The following MGAT4C variants were observed in gnomAD, a reference collection of about 807,000 sequenced individuals.
MGAT4C encodes MGAT4 family member C.
MGAT4C carries 19 observed loss-of-function variants against 40.1 expected under a neutral mutation model. That is an observed-to-expected ratio of 0.47 (90% CI 0.33 to 0.70). The LOEUF (loss-of-function observed/expected upper bound fraction) is 0.70. Among genes scored for constraint, MGAT4C ranks in the 30% least tolerant of loss-of-function variants. MGAT4C has a pLI of 0.02. For missense variants in MGAT4C, 491 were observed against 563.2 expected (o/e 0.87, Z 1.30); for synonymous variants, 181 against 187.1 (o/e 0.97, Z 0.27).
chr12:86,814,634 A>G (rs1342939222), intron 1 of MGAT4C, among the ~76,000 whole-genome samples: 1 of 151,922 alleles, frequency 6.6e-6, no homozygotes, highest in Non-Finnish European at 1.5e-5. Context: ...GAATGTTTGT[A>G]TTACCCCGAA....
chr12:86,525,490 G>A (rs1011593273), intron 2 of MGAT4C, among the ~76,000 whole-genome samples: 26 of 152,202 alleles, frequency 1.7e-4, no homozygotes, highest in Non-Finnish European at 3.2e-4. Flanking sequence ...AGGTAGTGTG[G>A]TTGTTTGGAG....
At chr12:86,768,455 C>T (rs1275149230) in intron 1 of MGAT4C, among the ~76,000 whole-genome samples, 97 of 151,988 alleles carry the variant, frequency 6.4e-4, no homozygotes, top group East Asian at 1.9e-4. Context: ...AGGTAATTTA[C>T]AGATTCAATG....
At chr12:86,109,895 T>A (rs1365782188) in intron 1 of MGAT4C, among the ~76,000 whole-genome samples, 2 of 151,130 alleles carry the variant, frequency 1.3e-5, no homozygotes, top group African/African-American at 4.9e-5. Flanking sequence ...ACCTCTGGAG[T>A]GGATATAACA....
At chr12:86,212,905 A>AAC in intron 1 of MGAT4C, among the ~76,000 whole-genome samples, 4 of 146,242 alleles carry the variant, frequency 2.7e-5, no homozygotes, top group Non-Finnish European at 6.0e-5. Flanking sequence ...AAAAAAAAAA[A>AAC]AAAAAAAAAA....
At chr12:86,378,874 T>C (rs1004862937) in intron 3 of MGAT4C, among the ~76,000 whole-genome samples, 1 of 152,076 alleles carries the variant, frequency 6.6e-6, no homozygotes, top group Non-Finnish European at 1.5e-5. Context: ...CTAGAGAAGT[T>C]TACAAAAGTT....
chr12:86,071,908 G>A (rs1017143036), intron 1 of MGAT4C, among the ~76,000 whole-genome samples: 9 of 151,930 alleles, frequency 5.9e-5, no homozygotes, highest in African/African-American at 2.2e-4. Context: ...CAATGTTTTG[G>A]TCACCAATTC....
chr12:86,691,127 C>A (rs1315323244), intron 2 of MGAT4C, among the ~76,000 whole-genome samples: 3 of 152,122 alleles, frequency 2.0e-5, no homozygotes, highest in Non-Finnish European at 2.9e-5. Context: ...TATATTCAAT[C>A]CATCTTTAAG....
chr12:86,120,389 T>G (rs967720720), intron 1 of MGAT4C, among the ~76,000 whole-genome samples: 3 of 151,516 alleles, frequency 2.0e-5, no homozygotes, highest in African/African-American at 7.3e-5. Context: ...TTGAAGAGAG[T>G]AGTGGTTCTC....
chr12:86,355,315 C>G (rs1195519344), intron 3 of MGAT4C, among the ~76,000 whole-genome samples: 1 of 152,172 alleles, frequency 6.6e-6, no homozygotes, highest in Non-Finnish European at 1.5e-5. Flanking sequence ...CCACTCAACC[C>G]AGGAAGTCCA....
rs558576816 is a variant in MGAT4C at position 86,267,366 on chromosome 12, G to A, written c.-57+66699C>T. Among the ~76,000 whole-genome samples the A allele has an allele frequency of 2.0e-5, 3 of 152,190 alleles. No individual in the cohort carries two copies. In the East Asian group the frequency reaches 5.8e-4, roughly 29 times the overall value. On this transcript the variant is annotated intron_variant, in intron 4 of 7. Coordinates refer to the MGAT4C transcript ENST00000548651. ...ACTCAAAGGTATCTTAAACTTGGAAGTGAAAGGTAGATGTTCACCATCATG... is the reference window on the plus strand; with the variant it reads ...ACTCAAAGGTATCTTAAACTTGGAAATGAAAGGTAGATGTTCACCATCATG...
Position 86,535,094 on chromosome 12 carries a change from A to G in MGAT4C, c.-228-99829T>C, listed in dbSNP as rs368265685. 3.0e-3 allele frequency among the ~76,000 whole-genome samples: 464 copies of G among 152,266 alleles called. 1 individual carries two copies. The highest frequency in any genetic ancestry group is 6.8e-3 in the Middle Eastern group (2 of 294). ...ATGAAATACTGTGAATACATAATTT[A>G]GAGTGAAAGCATTTGCAGTCTAATT... is the stretch of plus-strand genomic sequence containing the variant. On this transcript the variant is annotated intron_variant, in intron 2 of 7. Transcript: ENST00000548651.
At chr12:86,803,372 A>C (rs1011529391) in intron 1 of MGAT4C, among the ~76,000 whole-genome samples, 144 of 152,020 alleles carry the variant, frequency 9.5e-4, no homozygotes, top group African/African-American at 3.3e-3. Flanking sequence ...CTTCATGTCT[A>C]AAACACCAAA....
At chr12:86,562,088 C>T (rs1254308542) in intron 2 of MGAT4C, among the ~76,000 whole-genome samples, 1 of 152,140 alleles carries the variant, frequency 6.6e-6, no homozygotes, top group Non-Finnish European at 1.5e-5. Flanking sequence ...AATATAATGA[C>T]ATTGGTTGGC....
intron 2 of MGAT4C, among the ~76,000 whole-genome samples, chr12:86,451,907 A>G (rs1385557731): frequency 6.6e-6 from 1 of 152,108 alleles, no homozygotes; most frequent in African/African-American, 2.4e-5. Flanking sequence ...TCTATTTTTC[A>G]GCATGTATTA....
intron 2 of MGAT4C, among the ~76,000 whole-genome samples, chr12:86,453,663 C>T (rs1241251931): frequency 6.6e-6 from 1 of 152,092 alleles, no homozygotes; most frequent in African/African-American, 2.4e-5. Flanking sequence ...ATGTTTGCCT[C>T]TTGTTGACAG....
chr12:86,638,248 G>T (rs1426948692), intron 2 of MGAT4C, among the ~76,000 whole-genome samples: 1 of 151,810 alleles, frequency 6.6e-6, no homozygotes, highest in Non-Finnish European at 1.5e-5. Context: ...GAAAATACCA[G>T]TTCAATTTAA....
At chr12:86,233,694 A>T (rs1592530294) in intron 1 of MGAT4C, among the ~76,000 whole-genome samples, 1 of 152,182 alleles carries the variant, frequency 6.6e-6, no homozygotes, top group East Asian at 1.9e-4. Context: ...CTTTCTAAAT[A>T]GGTATGATAT....
At chr12:86,778,227 T>C (rs985535868) in intron 1 of MGAT4C, among the ~76,000 whole-genome samples, 1 of 152,166 alleles carries the variant, frequency 6.6e-6, no homozygotes, top group Non-Finnish European at 1.5e-5. Context: ...CTGAAAAGAA[T>C]TTGTAGTTTT....
At chr12:86,209,951 C>A (rs1377191055) in intron 1 of MGAT4C, among the ~76,000 whole-genome samples, 1 of 152,170 alleles carries the variant, frequency 6.6e-6, no homozygotes, top group Non-Finnish European at 1.5e-5. Flanking sequence ...TTCCCTCACT[C>A]AATTGCCTTT....
Sources: allele counts gnomAD v4.1 joint callset (sites outside exome capture counted in the v4.1 genomes callset), GRCh38; gene constraint gnomAD v4.1.1; transcripts MANE v1.5; gene names NCBI Gene and HGNC (gene_info 2026-07-23, HGNC 2026-07-21).